Variants in PUM1 observed in about 807,000 individuals in gnomAD.
The protein encoded by PUM1 is pumilio RNA binding family member 1, also known as pumilio homolog 1.
A neutral mutation model predicts 131.8 loss-of-function variants in PUM1; 13 were observed. That is an observed-to-expected ratio of 0.10 (90% CI 0.06 to 0.16). PUM1 has a LOEUF of 0.16. Among genes scored for constraint, PUM1 ranks in the 10% least tolerant of loss-of-function variants. The pLI is 1.00. For missense variants in PUM1, 961 were observed against 1,512.4 expected (o/e 0.64, Z 6.05); for synonymous variants, 509 against 556.5 (o/e 0.91, Z 1.20).
chr1:30,950,436 C>T (rs768723491), intron 16 of PUM1, among the ~76,000 whole-genome samples, 175 bp from the exon 17 acceptor site: 2 of 152,228 alleles, frequency 1.3e-5, no homozygotes, highest in African/African-American at 4.8e-5. Context: ...CAGTAGTTCT[C>T]GATCTCTTAA....
chr1:30,945,636 C>A (rs1639636070), intron 17 of PUM1, among the ~76,000 whole-genome samples, 153 bp from the exon 18 acceptor site: 1 of 152,156 alleles, frequency 6.6e-6, no homozygotes, highest in Non-Finnish European at 1.5e-5. Context: ...AACAGGGAAA[C>A]AAATGAGGAC....
chr1:30,954,060 C>T lies in PUM1; in HGVS notation c.2324-79G>A, dbSNP rs368556617. ...AGAGAGAAAAAAGCATTCCCACACC[C>T]GAAAGCCTGCACCATTTCTGATTTC... is the stretch of plus-strand genomic sequence containing the variant. On this transcript the variant is annotated intron_variant, in intron 14 of 21. Coordinates refer to ENST00000426105, the MANE Select transcript of PUM1 (RefSeq NM_001020658.2). 39 of 1,396,086 alleles carry T rather than the reference C, an allele frequency of 2.8e-5. 1 individual carries two copies. In the South Asian group the frequency reaches 3.1e-4, roughly 11 times the overall value. 86.5% of individuals were successfully genotyped at this position (1,396,086 alleles called of 1,614,324 possible).
intron 19 of PUM1, 29 bp downstream of exon 19, chr1:30,941,969 C>T (rs779449450): frequency 5.2e-6 from 8 of 1,527,414 alleles, no homozygotes; most frequent in Admixed American, 3.5e-5. Flanking sequence ...CACAGGTGTT[C>T]GCAGTTCCTC....
chr1:31,037,126 C>T (rs79976705), intron 2 of PUM1: 748 of 153,260 alleles, frequency 4.9e-3, no homozygotes, highest in Admixed American at 8.1e-3. Context: ...CTTTATGAAG[C>T]CACAATATCC....
intron 8 of PUM1, among the ~76,000 whole-genome samples, chr1:30,980,823 G>A (rs1041429346): frequency 5.3e-5 from 8 of 152,044 alleles, no homozygotes; most frequent in South Asian, 2.1e-4. Context: ...TGAATACATC[G>A]CTCAAAACTT....
In PUM1 at chr1:30,974,616, C is replaced by G. The variant is rs571497564; in HGVS notation, c.1506+35G>C. The G allele has an allele frequency of 4.3e-5, 67 of 1,558,226 alleles. 1 individual carries two copies. The South Asian group carries it at 7.4e-4, about 17-fold the overall frequency. ...ATTAATTATCCACAATACTACGATTCCCACTTAGAAGAGGTAAATTTTGTC... is the reference window on the plus strand; with the variant it reads ...ATTAATTATCCACAATACTACGATTGCCACTTAGAAGAGGTAAATTTTGTC... On this transcript the variant is annotated intron_variant, in intron 10 of 21. Transcript: ENST00000426105.
chr1:30,999,285 C>A (rs549279978), intron 5 of PUM1, among the ~76,000 whole-genome samples: 113 of 152,242 alleles, frequency 7.4e-4, no homozygotes, highest in African/African-American at 2.6e-3. Flanking sequence ...CAAGTGTGAG[C>A]CATAACACCT....
chr1:30,967,443 CTTAAATAG>C, intron 11 of PUM1, 133 bp from the exon 12 acceptor site: 1 of 753,912 alleles, frequency 1.3e-6, no homozygotes, highest in Non-Finnish European at 2.1e-6. Context: ...GGCTCCATCA[CTTAAATAG>C]TTGAATAAAC....
At chr1:30,942,925 AAAAAATTGTG>A (rs1444647564) in intron 18 of PUM1, among the ~76,000 whole-genome samples, 1 of 152,078 alleles carries the variant, frequency 6.6e-6, no homozygotes, top group African/African-American at 2.4e-5. Flanking sequence ...CTACTTTAAA[AAAAAATTGTG>A]TGTAGAGACG....
intron 14 of PUM1, among the ~76,000 whole-genome samples, chr1:30,959,711 T>C (rs770524100): frequency 1.3e-5 from 2 of 151,828 alleles, no homozygotes; most frequent in Non-Finnish European, 2.9e-5. Flanking sequence ...ATCGAGACCA[T>C]CCTGGCTGAC....
chr1:31,057,405 CAAAA>C (rs1223950994), intron 2 of PUM1, among the ~76,000 whole-genome samples: 1 of 68,754 alleles, frequency 1.5e-5, no homozygotes. Flanking sequence ...GACCTTGTCT[CAAAA>C]AAAAAAAAAA....
At chr1:31,030,758 A>G (rs1356132649) in intron 2 of PUM1, among the ~76,000 whole-genome samples, 1 of 152,140 alleles carries the variant, frequency 6.6e-6, no homozygotes, top group African/African-American at 2.4e-5. Context: ...CCTATACATT[A>G]TATCACCTAA....
intron 10 of PUM1, among the ~76,000 whole-genome samples, chr1:30,972,267 AGAAGGGAAGGGAAGG>A (rs142906505): frequency 0.42 from 1,979 of 4,724 alleles, 261 homozygotes; most frequent in East Asian, 0.61. Flanking sequence ...AGAAAAGAAA[AGAAGGGAAGGGAAGG>A]GAAGGGGAGG....
At position 30,980,111 on chromosome 1, in the gene PUM1, G is replaced by T. The variant is rs748014467; in HGVS notation, c.1305C>A (p.Pro435=). 2 of 1,614,004 alleles carry T rather than the reference G, an allele frequency of 1.2e-6. No homozygotes were observed. The highest frequency in any genetic ancestry group is 1.7e-6 in the Non-Finnish European group (2 of 1,179,954). The change falls in exon 9 of 22, where the codon CCC becomes CCA. Residue 435 remains proline, a synonymous_variant. Coordinates refer to ENST00000426105, the MANE Select transcript of PUM1 (RefSeq NM_001020658.2). ...VPNPYIISAA[P]PGTDPYTAGL... is the part of the protein sequence containing the mutation. ...CAGCTGTGTAGGGGTCCGTCCCTGG[G>T]GGAGCAGCGCTGATGATGTATGGAT... is the stretch of plus-strand genomic sequence containing the variant.
chr1:30,978,964 A>G (rs527301713), intron 9 of PUM1, among the ~76,000 whole-genome samples: 1 of 152,118 alleles, frequency 6.6e-6, no homozygotes, highest in East Asian at 1.9e-4. Context: ...ACAATTAGCT[A>G]AGTGTGGTGA....
At chr1:31,038,831 G>T (rs1430987998) in intron 2 of PUM1, among the ~76,000 whole-genome samples, 1 of 151,124 alleles carries the variant, frequency 6.6e-6, no homozygotes, top group Non-Finnish European at 1.5e-5. Context: ...TATGGGCACA[G>T]ATTTGTTAAC....
intron 10 of PUM1, 125 bp from the exon 11 acceptor site, chr1:30,968,617 T>C (rs927350316): frequency 1.7e-5 from 15 of 890,028 alleles, no homozygotes; most frequent in Middle Eastern, 5.3e-4. Context: ...GGTTTTTATA[T>C]GTCACAGCTG....
chr1:31,065,058 T>C (rs1235808599), intron 1 of PUM1, among the ~76,000 whole-genome samples: 1 of 152,102 alleles, frequency 6.6e-6, no homozygotes, highest in African/African-American at 2.4e-5. Flanking sequence ...ATTCTGAAAC[T>C]TCCTGATCGC....
rs375977860 is a variant in PUM1 at position 30,992,384 on chromosome 1, C to A, written c.1158+6G>T. ...GTAGAGAGGGTGACAGAGACACACA[C>A]AGTACCTGTTGTTGAGAATTGTAGT... On this transcript the variant is annotated splice_donor_region_variant and intron_variant, in intron 7 of 21. Coordinates refer to ENST00000426105, the MANE Select transcript of PUM1 (RefSeq NM_001020658.2). The A allele has an allele frequency of 7.4e-6, 12 of 1,612,652 alleles. No individual in the cohort carries two copies. In the African/African-American group the frequency reaches 1.6e-4, roughly 21 times the overall value.
Sources: gnomAD v4.1 joint callset for allele counts (sites outside exome capture counted in the v4.1 genomes callset) on GRCh38, gnomAD v4.1.1 for gene constraint, MANE v1.5 for transcripts, NCBI Gene and HGNC (gene_info 2026-07-23, HGNC 2026-07-21) for gene names.